Variants in NADK observed in about 807,000 individuals in gnomAD.
The protein encoded by NADK is NAD kinase.
In NADK, 22 loss-of-function variants were observed where a neutral mutation model predicts 49.8. The ratio of observed to expected loss-of-function variants is 0.44; its 90% CI spans 0.32 to 0.63. The LOEUF (loss-of-function observed/expected upper bound fraction) is 0.63, where lower values mean the gene tolerates loss of function less well. Among genes scored for constraint, NADK ranks in the 30% least tolerant of loss-of-function variants. The pLI is 0.06. For missense variants in NADK, 438 were observed against 609.4 expected (o/e 0.72, Z 2.96); for synonymous variants, 268 against 253.7 (o/e 1.06, Z -0.54).
chr1:1,754,649 C>G lies in NADK; in HGVS notation c.738G>C (p.Lys246Asn), dbSNP rs1225398403. The stretch of plus-strand genomic sequence containing the variant: ...CGGCCGTCTTCTTCCCCCGGAGCTC[C>G]TTCACCACCCTGACCTTCAGCCGAC... ...LRSRLKVRVVKELRGKKTAVH... is the reference protein window; with the variant it reads ...LRSRLKVRVVNELRGKKTAVH... Residue 246 changes from lysine (K) to asparagine (N), a missense_variant, in exon 8 of 12, where the codon AAG becomes AAC. Lys to Asn is a moderately conservative substitution (Grantham distance 94). Transcript: ENST00000341426. The surrounding 1 kb of genome is among the most constrained non-coding windows in gnomAD (Gnocchi z 4.3). 1 of 1,614,042 alleles carries G rather than the reference C, an allele frequency of 6.2e-7. No individual in the cohort carries two copies. Among genetic ancestry groups the G allele is most frequent in the Non-Finnish European group, 8.5e-7 (1 of 1,179,992 alleles).
intron 1 of NADK, among the ~76,000 whole-genome samples, chr1:1,767,648 T>G (rs1352239846): frequency 1.3e-5 from 2 of 152,192 alleles, no homozygotes; most frequent in Admixed American, 6.6e-5. Context: ...AATGTGACAT[T>G]ATGGACTGAA....
chr1:1,756,923 G>C (rs1170801418), intron 4 of NADK: 1 of 812,992 alleles, frequency 1.2e-6, no homozygotes, highest in African/African-American at 1.7e-5. Context: ...GTCAGATGTG[G>C]CCCCTTGATC....
intron 1 of NADK, among the ~76,000 whole-genome samples, chr1:1,769,617 G>T (rs548633563): frequency 6.6e-6 from 1 of 152,118 alleles, no homozygotes; most frequent in African/African-American, 2.4e-5. Flanking sequence ...AATTCCAGCT[G>T]CTGGAGAGGG....
rs1474508973 is a variant in NADK at position 1,752,830 on chromosome 1, A to G, written c.*74T>C. Reference sequence around the variant, plus strand: ...GCCACTGAGACAGGCGGTCACAGACACACGCAGATTGGTCTGTCCCCAGAG... The same window carrying G: ...GCCACTGAGACAGGCGGTCACAGACGCACGCAGATTGGTCTGTCCCCAGAG... On this transcript the variant is annotated 3_prime_UTR_variant, in exon 12 of 12. Coordinates refer to ENST00000341426, the MANE Select transcript of NADK (RefSeq NM_023018.5). The G allele has an allele frequency of 1.1e-5, 17 of 1,520,482 alleles. No homozygotes were observed. The highest frequency in any genetic ancestry group is 1.5e-5 in the Non-Finnish European group (17 of 1,117,944). The allele number at this position is 1,520,482 out of a possible 1,614,324, so 94.2% of individuals were successfully genotyped here. A position where few individuals can be genotyped will look rare whatever the true frequency, so the allele number is the denominator to read the frequency against.
At chr1:1,756,811 T>A (rs771992917) in intron 4 of NADK, 1 of 941,970 alleles carries the variant, frequency 1.1e-6, no homozygotes, top group South Asian at 1.3e-5. Context: ...GGGGGCTCCC[T>A]CTCAGGAATT....
chr1:1,767,859 G>A (rs1645931720), intron 1 of NADK, among the ~76,000 whole-genome samples: 1 of 152,170 alleles, frequency 6.6e-6, no homozygotes, highest in African/African-American at 2.4e-5. Context: ...CAGTGTGGCT[G>A]AATATGGAGG....
intron 1 of NADK, among the ~76,000 whole-genome samples, chr1:1,770,773 G>GT (rs1646023242): frequency 6.6e-6 from 1 of 151,974 alleles, no homozygotes; most frequent in South Asian, 2.1e-4. Context: ...TTACAGCTGG[G>GT]TGTGGTGGCT....
In NADK at chr1:1,759,184, C is replaced by T. The variant is rs745928526; in HGVS notation, c.264-1874G>A. 4 of 1,569,676 alleles carry T rather than the reference C, an allele frequency of 2.5e-6. No homozygotes were observed. In the South Asian group the frequency reaches 3.5e-5, roughly 14 times the overall value. ...CACCAGCAGCGGCGTCGTACACCGG[C>T]CCAGGCACCCACCGCTGTGTGTGAC... On this transcript the variant is annotated intron_variant, in intron 3 of 11. Transcript: ENST00000341426.
At chr1:1,765,183 A>G in intron 2 of NADK, 45 bp downstream of exon 2, 1 of 1,500,532 alleles carries the variant, frequency 6.7e-7, no homozygotes, top group Admixed American at 2.2e-5. Flanking sequence ...GAATATTATG[A>G]AATCAGACGA....
chr1:1,770,615 C>T (rs375895305), intron 1 of NADK, among the ~76,000 whole-genome samples: 1 of 151,972 alleles, frequency 6.6e-6, no homozygotes, highest in Admixed American at 6.6e-5. Flanking sequence ...GCCTGTAGTC[C>T]CAGCTACTCA....
At chr1:1,758,345 G>T (rs746500434) in intron 3 of NADK, 7 of 1,592,500 alleles carry the variant, frequency 4.4e-6, no homozygotes, top group African/African-American at 1.3e-5. Context: ...TGTGACCTTC[G>T]GAAGCTGGTC....
At chr1:1,758,583 C>A in intron 3 of NADK, 1 of 1,514,064 alleles carries the variant, frequency 6.6e-7, no homozygotes, top group South Asian at 1.3e-5. Flanking sequence ...TCTTCATACT[C>A]AAAACTCAAA....
intron 4 of NADK, 25 bp downstream of exon 4, chr1:1,757,156 C>A: frequency 1.3e-6 from 2 of 1,493,930 alleles, no homozygotes; most frequent in East Asian, 2.3e-5. Flanking sequence ...GCACCCCAGG[C>A]CCCCTTCCCC....
At chr1:1,753,987 C>T (rs942407645) in intron 10 of NADK, 64 bp downstream of exon 10, 45 of 1,514,870 alleles carry the variant, frequency 3.0e-5, no homozygotes, top group African/African-American at 4.2e-5. Flanking sequence ...TGCTAGGTCC[C>T]GGCTTTGTGT....
intron 10 of NADK, 115 bp downstream of exon 10, chr1:1,753,936 G>A (rs1013448864): frequency 2.5e-5 from 34 of 1,343,986 alleles, no homozygotes; most frequent in Non-Finnish European, 2.7e-5. Flanking sequence ...CTAGGATGAC[G>A]AGGCCGCGTC....
Position 1,753,581 on chromosome 1 carries a change from G to A in NADK, c.1170C>T (p.Ile390=). The A allele has an allele frequency of 6.2e-7, 1 of 1,612,580 alleles. No homozygotes were observed. The highest frequency in any genetic ancestry group is 1.1e-5 in the South Asian group (1 of 90,668). ...VSFDGRKRQE[I]RHGDSISITT... ...GCAGCCCACACCTGTCTCCATGGCG[G>A]ATCTCTTGTCTCTTCCGTCCATCAA... Residue 390 remains isoleucine (I), a synonymous_variant, in exon 11 of 12, where the codon ATC becomes ATT. Transcript: ENST00000341426.
intron 1 of NADK, among the ~76,000 whole-genome samples, chr1:1,774,172 TACAC>T (rs552575948): frequency 1.3e-5 from 2 of 150,300 alleles, no homozygotes; most frequent in Non-Finnish European, 1.5e-5. Flanking sequence ...TGTATATATA[TACAC>T]ACACACACAC....
intron 3 of NADK, chr1:1,758,353 G>T: frequency 6.2e-7 from 1 of 1,602,406 alleles, no homozygotes; most frequent in Non-Finnish European, 8.5e-7. Context: ...TCGGAAGCTG[G>T]TCAGCACTCA....
intron 3 of NADK, chr1:1,759,163 A>G (rs2100309147): frequency 1.9e-6 from 3 of 1,562,550 alleles, no homozygotes; most frequent in East Asian, 2.4e-5. Flanking sequence ...CAGAGCCACC[A>G]GCAGCGGCGT....
Sources: gnomAD v4.1 joint callset for allele counts (sites outside exome capture counted in the v4.1 genomes callset) on GRCh38, gnomAD v4.1.1 for gene constraint, Gnocchi (gnomAD v3.1) non-coding constraint, MANE v1.5 for transcripts, NCBI Gene and HGNC (gene_info 2026-07-23, HGNC 2026-07-21) for gene names.